MED16: variants seen among roughly 807,000 people sequenced by gnomAD.
MED16 encodes the protein mediator complex subunit 16, also known as mediator of RNA polymerase II transcription subunit 16.
Under a neutral mutation model 84.4 loss-of-function variants are expected in MED16, and 81 were observed. The observed-to-expected ratio is 0.96, with a 90% CI of 0.80 to 1.15. The LOEUF (loss-of-function observed/expected upper bound fraction) is 1.15. Ranked by LOEUF, MED16 falls within the 50% of genes most tolerant of loss-of-function variation. The probability of loss-of-function intolerance (pLI) is 0.00; values close to 1 mark genes in which losing one functional copy is unlikely to be tolerated. For missense variants in MED16, 1,585 were observed against 1,245.9 expected (o/e 1.27, Z -4.10); for synonymous variants, 897 against 552.2 (o/e 1.62, Z -8.76).
At chr19:876,038 C>T (rs575625701) in intron 9 of MED16, among the ~76,000 whole-genome samples, 14 of 152,340 alleles carry the variant, frequency 9.2e-5, no homozygotes, top group South Asian at 8.3e-4. Context: ...CCATCACTAG[C>T]GCTGTCACTG....
Position 868,880 on chromosome 19 carries a change from T to C in MED16, c.2382A>G (p.Glu794=). The C allele has an allele frequency of 6.4e-7, 1 of 1,551,104 alleles. No individual in the cohort carries two copies. The highest frequency in any genetic ancestry group is 8.7e-7 in the Non-Finnish European group (1 of 1,150,594). The change falls in exon 14 of 16, where the codon GAA becomes GAG. Residue 794 remains glutamate (E), a synonymous_variant. Transcript: ENST00000325464. ...CCCCTCACCTGGTGCAGGCCTTGCA[T>C]TCCTCCGTGGGGCAAGCGCCAAGGT... is the stretch of plus-strand genomic sequence containing the variant. ...RLHLGACPTE[E]CKACTRCGCV... is the part of the protein sequence containing the mutation.
rs1446602382 is a variant in MED16 at position 872,093 on chromosome 19, C to A, written c.1931G>T (p.Ser644Ile). The A allele has an allele frequency of 1.2e-6, 2 of 1,607,922 alleles. No homozygotes were observed. The highest frequency in any genetic ancestry group is 2.2e-5 in the South Asian group (2 of 90,678). Reference sequence around the variant, plus strand: ...CAGCGAGGTGCCGTCCCGCAGAAAGCTGTGGCCCGGCCTCAGCAGGGAACC... The same window carrying A: ...CAGCGAGGTGCCGTCCCGCAGAAAGATGTGGCCCGGCCTCAGCAGGGAACC... ...NQGSLLRPGHSFLRDGTSLGM... is the reference protein window; with the variant it reads ...NQGSLLRPGHIFLRDGTSLGM... Residue 644 changes from serine (S) to isoleucine (I), a missense_variant, in exon 12 of 16, where the codon AGC becomes ATC. By Grantham distance (142) the Ser-to-Ile change is moderately radical (BLOSUM62 -2). Transcript: ENST00000325464.
In MED16 at chr19:868,184, C is replaced by T. The variant is rs138793388; in HGVS notation, c.2551G>A (p.Val851Ile). 1.1e-5 allele frequency: 18 copies of T among 1,609,232 alleles called. No individual in the cohort carries two copies. Among genetic ancestry groups the T allele is most frequent in the Non-Finnish European group, 1.4e-5 (17 of 1,178,410 alleles). ...TGTGTGGACTGCGGGCCCAGCTGGACAAAGGCAGGGGCTTCCTCAGAAGCT... is the reference window on the plus strand; with the variant it reads ...TGTGTGGACTGCGGGCCCAGCTGGATAAAGGCAGGGGCTTCCTCAGAAGCT... Reference protein sequence around the residue: ...SRASEEAPAFVQLGPQSTHHS... With the variant: ...SRASEEAPAFIQLGPQSTHHS... Residue 851 changes from valine (V) to isoleucine (I), a missense_variant, in exon 16 of 16, where the codon GTC becomes ATC. Transcript: ENST00000325464.
At chr19:890,704 C>A (rs532263542) in intron 2 of MED16, among the ~76,000 whole-genome samples, 1 of 152,314 alleles carries the variant, frequency 6.6e-6, no homozygotes, top group East Asian at 1.9e-4. Flanking sequence ...AACAAGCCTC[C>A]GTCAACCAAC....
chr19:887,799 T>C (rs1033198430), intron 4 of MED16, among the ~76,000 whole-genome samples: 9 of 151,836 alleles, frequency 5.9e-5, no homozygotes, highest in African/African-American at 1.7e-4. Context: ...CCTGTTTCTA[T>C]GAATGTCCAG....
Position 883,321 on chromosome 19 carries a change from T to C in MED16, c.985+1582A>G, listed in dbSNP as rs1232304274. On this transcript the variant is annotated intron_variant, in intron 6 of 15. Coordinates refer to ENST00000325464, the MANE Select transcript of MED16 (RefSeq NM_005481.3). ...CATGGTGGGCACGTGGGGCGGTGGG[T>C]GAAGAGCTGGGCATGGCGGGGACCG... 1.1e-4 allele frequency among the ~76,000 whole-genome samples: 8 copies of C among 71,474 alleles called. No homozygotes were observed. The Admixed American group carries it at 1.2e-3, about 11-fold the overall frequency. The allele number at this position is 71,474 out of a possible 152,430, so 46.9% of individuals were successfully genotyped here.
At chr19:872,627 G>A (rs1239943291) in intron 11 of MED16, among the ~76,000 whole-genome samples, 1 of 150,416 alleles carries the variant, frequency 6.6e-6, no homozygotes. Flanking sequence ...AGAAATCACA[G>A]CTGGGGCAGG....
chr19:880,218 G>T, intron 7 of MED16, 70 bp from the exon 8 acceptor site: 4 of 1,430,408 alleles, frequency 2.8e-6, no homozygotes, highest in Non-Finnish European at 3.7e-6. Flanking sequence ...GGGGCCTCCT[G>T]CTCTGCAGGG....
intron 12 of MED16, chr19:871,490 A>G (rs1277478621): frequency 2.7e-6 from 4 of 1,475,920 alleles, no homozygotes; most frequent in Non-Finnish European, 3.6e-6. Context: ...TCCCTCATTC[A>G]CTTAAAAAGT....
intron 7 of MED16, 54 bp from the exon 8 acceptor site, chr19:880,202 G>T (rs982185481): frequency 6.7e-7 from 1 of 1,497,044 alleles, no homozygotes; most frequent in African/African-American, 1.4e-5. Flanking sequence ...CACGCCCGCC[G>T]GGGGAGGGGC....
At chr19:872,216 T>C (rs1441807781) in intron 11 of MED16, 98 bp from the exon 12 acceptor site, 3 of 1,001,410 alleles carry the variant, frequency 3.0e-6, no homozygotes, top group Non-Finnish European at 4.4e-6. Flanking sequence ...CGGGGGGCAA[T>C]GGGCAGGGTC....
At chr19:882,569 G>C (rs1299318540) in intron 6 of MED16, among the ~76,000 whole-genome samples, 1 of 152,158 alleles carries the variant, frequency 6.6e-6, no homozygotes, top group Non-Finnish European at 1.5e-5. Context: ...CGTGTGGGGG[G>C]TCCTGCTGTG....
chr19:887,933 T>C (rs1187653074), intron 4 of MED16, among the ~76,000 whole-genome samples: 1 of 151,884 alleles, frequency 6.6e-6, no homozygotes, highest in Non-Finnish European at 1.5e-5. Context: ...CTGGGCACAG[T>C]GACTCACGCC....
At position 891,153 on chromosome 19, in the gene MED16, CGGGA is replaced by C; in HGVS notation, c.-18-8_-18-5del. 6.2e-7 allele frequency: 1 copy of C among 1,602,158 alleles called. No homozygotes were observed. Among genetic ancestry groups the C allele is most frequent in the African/African-American group, 1.3e-5 (1 of 74,834 alleles). On this transcript the variant is annotated splice_region_variant and splice_polypyrimidine_tract_variant and intron_variant, in intron 1 of 15. Transcript: ENST00000325464. ...ACATGAGGGCAGTCACCAGCTCCTG[CGGGA>C]GGGAGGTGTGGTGGGACGTCTATGT...
chr19:886,081 C>G lies in MED16; in HGVS notation c.568G>C (p.Val190Leu). 6.3e-7 allele frequency: 1 copy of G among 1,594,358 alleles called. No homozygotes were observed. Among genetic ancestry groups the G allele is most frequent in the Non-Finnish European group, 8.5e-7 (1 of 1,174,342 alleles). ...TGCCCGCTGGGCTTCAGCAGGGACACGGTGACCAGGCCGCTGACCGTCACC... is the reference window on the plus strand; with the variant it reads ...TGCCCGCTGGGCTTCAGCAGGGACAGGGTGACCAGGCCGCTGACCGTCACC... ...IAVTVSGLVT[V>L]SLLKPSGQVL... Residue 190 changes from valine (V) to leucine (L), a missense_variant, in exon 5 of 16, where the codon GTG becomes CTG. Coordinates refer to ENST00000325464, the MANE Select transcript of MED16 (RefSeq NM_005481.3).
In MED16 at chr19:879,929, C is replaced by G; in HGVS notation, c.1353+8G>C. ...CCAGCCCCGGCCCCACGTGCCCCAG[C>G]AGCTCACCTTCCCGTGGCTGTCAAT... is the stretch of plus-strand genomic sequence containing the variant. On this transcript the variant is annotated splice_region_variant and intron_variant, in intron 8 of 15. Coordinates refer to ENST00000325464, the MANE Select transcript of MED16 (RefSeq NM_005481.3). 1 of 1,592,236 alleles carries G rather than the reference C, an allele frequency of 6.3e-7. No homozygotes were observed. Among genetic ancestry groups the G allele is most frequent in the Non-Finnish European group, 8.5e-7 (1 of 1,171,120 alleles).
intron 7 of MED16, 48 bp downstream of exon 7, chr19:881,511 C>T (rs778213553): frequency 1.3e-6 from 2 of 1,574,964 alleles, no homozygotes; most frequent in Non-Finnish European, 1.7e-6. Flanking sequence ...GCCCAACTCC[C>T]CTGGTGTGAA....
chr19:886,778 T>C (rs1372127217), intron 4 of MED16, among the ~76,000 whole-genome samples: 1 of 152,224 alleles, frequency 6.6e-6, no homozygotes, highest in Non-Finnish European at 1.5e-5. Context: ...GTGAGTCTTT[T>C]AAAAGATGGG....
At chr19:887,279 T>C (rs2036545802) in intron 4 of MED16, among the ~76,000 whole-genome samples, 1 of 152,152 alleles carries the variant, frequency 6.6e-6, no homozygotes. Flanking sequence ...CGACGACTCA[T>C]CTGGTGTCCA....
Sources: allele counts gnomAD v4.1 joint callset (sites outside exome capture counted in the v4.1 genomes callset), GRCh38; gene constraint gnomAD v4.1.1; transcripts MANE v1.5; gene names NCBI Gene and HGNC (gene_info 2026-07-23, HGNC 2026-07-21).